The following PDIA5 variants were observed in gnomAD, a reference collection of about 807,000 sequenced individuals.
PDIA5 encodes the protein protein disulfide isomerase family A member 5.
A neutral mutation model predicts 77.6 loss-of-function variants in PDIA5; 58 were observed. The ratio of observed to expected loss-of-function variants is 0.75; its 90% CI spans 0.61 to 0.93. The LOEUF is 0.93. Among genes scored for constraint, PDIA5 ranks in the 40% least tolerant of loss-of-function variants. The pLI is 0.00. For missense variants in PDIA5, 630 were observed against 647.7 expected, an observed-to-expected ratio of 0.97 and a Z score of 0.30; for synonymous variants, 250 against 252.1, an observed-to-expected ratio of 0.99 and a Z score of 0.08.
In PDIA5 at chr3:123,107,081, T is replaced by C. The variant is rs116169108; in HGVS notation, c.480+240T>C. ...TCCATTCTTCACCTTCCTTATTTAA[T>C]GCATTTGAACACGTTTAGATTTTCC... On this transcript the variant is annotated intron_variant, in intron 6 of 16. Coordinates refer to ENST00000316218, the MANE Select transcript of PDIA5 (RefSeq NM_006810.4). Among the ~76,000 whole-genome samples, 914 of 152,384 alleles carry C rather than the reference T, an allele frequency of 6.0e-3. 4 individuals carry two copies. The highest frequency in any genetic ancestry group is 0.017 in the Middle Eastern group (5 of 294).
intron 1 of PDIA5, among the ~76,000 whole-genome samples, chr3:123,077,853 A>C (rs1672414790): frequency 6.7e-6 from 1 of 149,574 alleles, no homozygotes; most frequent in Admixed American, 6.7e-5. Flanking sequence ...TCTGTTGCCC[A>C]GGCTGGAGTG....
intron 3 of PDIA5, among the ~76,000 whole-genome samples, chr3:123,096,244 G>A (rs1027864922): frequency 1.3e-5 from 2 of 152,122 alleles, no homozygotes; most frequent in African/African-American, 4.8e-5. Context: ...TGTTGCCCAG[G>A]CTGCAGTGCA....
chr3:123,089,303 C>T lies in PDIA5; in HGVS notation c.169+9C>T, dbSNP rs369257829. 6.2e-7 allele frequency: 1 copy of T among 1,613,552 alleles called. No homozygotes were observed. The highest frequency in any genetic ancestry group is 1.1e-5 in the South Asian group (1 of 90,984). ...GCTTTACTCCAAATCTGGTGAGTGT[C>T]CCTTCCTGGCCTTGAGGTCAACCAT... On this transcript the variant is annotated intron_variant, in intron 2 of 16. Coordinates refer to ENST00000316218, the MANE Select transcript of PDIA5 (RefSeq NM_006810.4).
intron 11 of PDIA5, among the ~76,000 whole-genome samples, chr3:123,135,815 A>T (rs1344163956): frequency 4.3e-4 from 11 of 25,752 alleles, no homozygotes; most frequent in Admixed American, 1.2e-3. Context: ...TTTTGGTCTT[A>T]TTTTTAACTT....
chr3:123,125,910 C>T (rs1935238306), intron 10 of PDIA5, among the ~76,000 whole-genome samples: 3 of 152,140 alleles, frequency 2.0e-5, no homozygotes, highest in Admixed American at 2.0e-4. Flanking sequence ...TCCTGTTTTC[C>T]TTTTTCATTT....
At chr3:123,140,154 T>C (rs542028163) in intron 11 of PDIA5, among the ~76,000 whole-genome samples, 2 of 151,898 alleles carry the variant, frequency 1.3e-5, no homozygotes, top group African/African-American at 4.8e-5. Context: ...TCCAGGTGGG[T>C]AGGAAAGAAC....
intron 11 of PDIA5, among the ~76,000 whole-genome samples, chr3:123,132,906 G>A (rs533883698): frequency 2.0e-5 from 3 of 152,296 alleles, no homozygotes; most frequent in South Asian, 2.1e-4. Context: ...ATGGTTGTGC[G>A]CATGTGGGTT....
chr3:123,150,194 C>A, intron 13 of PDIA5, 40 bp from the exon 14 acceptor site: 1 of 1,549,764 alleles, frequency 6.5e-7, no homozygotes, highest in Admixed American at 1.8e-5. Flanking sequence ...CTAAAAATCT[C>A]TCCTTATGGC....
chr3:123,155,031 A>G lies in PDIA5; in HGVS notation c.1334A>G (p.Asp445Gly). 1.2e-6 allele frequency: 2 copies of G among 1,608,728 alleles called. No individual in the cohort carries two copies. Among genetic ancestry groups the G allele is most frequent in the East Asian group, 2.2e-5 (1 of 44,854 alleles). ...HFTATADAFK[D>G]DRKIACAAVD... ...ACTGCTACTGCTGATGCCTTCAAAGATGACCGAAAGGTAAGGACAGCGCTC... is the reference window on the plus strand; with the variant it reads ...ACTGCTACTGCTGATGCCTTCAAAGGTGACCGAAAGGTAAGGACAGCGCTC... Residue 445 changes from aspartate to glycine, a missense_variant, in exon 15 of 17, where the codon GAT (aspartate) becomes GGT (glycine). Asp to Gly is a moderately conservative substitution (Grantham distance 94, BLOSUM62 -1). Transcript: ENST00000316218.
intron 10 of PDIA5, 42 bp downstream of exon 10, chr3:123,124,385 G>C: frequency 3.4e-6 from 5 of 1,458,160 alleles, no homozygotes; most frequent in Non-Finnish European, 4.8e-6. Flanking sequence ...GGACCCAGAG[G>C]GCGGGGCATC....
rs372604549 is a variant in PDIA5 at position 123,116,349 on chromosome 3, G to A, written c.609+51G>A. The A allele has an allele frequency of 5.6e-5, 82 of 1,477,082 alleles. No homozygotes were observed. The Middle Eastern group carries it at 9.3e-4, about 17-fold the overall frequency. The allele number at this position is 1,477,082 out of a possible 1,614,324, so 91.5% of individuals were successfully genotyped here. A position where few individuals can be genotyped will look rare whatever the true frequency, so the allele number is the denominator to read the frequency against. ...GGGCTGGGTCACTCTTGGACTTGGC[G>A]GAGGAAGGGTGCCAGGGGTGGGGTG... On this transcript the variant is annotated intron_variant, in intron 8 of 16. Coordinates refer to ENST00000316218, the MANE Select transcript of PDIA5 (RefSeq NM_006810.4).
chr3:123,102,504 C>T lies in PDIA5; in HGVS notation c.341+10C>T. The stretch of plus-strand genomic sequence containing the variant: ...AATTATTCCATTACCAGTAAGTACA[C>T]ATGGGCATTTCCAATTTCCAAGTAA... On this transcript the variant is annotated intron_variant, in intron 4 of 16. Transcript: ENST00000316218. 2 of 1,600,468 alleles carry T rather than the reference C, an allele frequency of 1.2e-6. No individual in the cohort carries two copies. The highest frequency in any genetic ancestry group is 1.7e-6 in the Non-Finnish European group (2 of 1,167,732).
At position 123,097,438 on chromosome 3, in the gene PDIA5, C is replaced by G. The variant is rs543152187; in HGVS notation, c.258-4973C>G. On this transcript the variant is annotated intron_variant, in intron 3 of 16. Transcript: ENST00000316218. ...ACTAACTGTACTGTGTAATCCAGAC[C>G]TTGTGATGTACCTTCTTGAGGCACG... is the stretch of plus-strand genomic sequence containing the variant. Among the ~76,000 whole-genome samples the G allele has an allele frequency of 7.2e-5, 11 of 152,288 alleles. No homozygotes were observed. The South Asian group carries it at 2.3e-3, about 32-fold the overall frequency.
At chr3:123,078,827 A>G (rs1408076665) in intron 1 of PDIA5, among the ~76,000 whole-genome samples, 1 of 152,112 alleles carries the variant, frequency 6.6e-6, no homozygotes, top group East Asian at 1.9e-4. Context: ...GTTTTTGATG[A>G]TGTTTTCATT....
At chr3:123,067,319 C>T (rs1251221964) in intron 1 of PDIA5, 113 bp downstream of exon 1, 1 of 925,900 alleles carries the variant, frequency 1.1e-6, no homozygotes, top group African/African-American at 1.7e-5. Context: ...CCCGGGGCAC[C>T]GGGATGAGGG....
intron 3 of PDIA5, among the ~76,000 whole-genome samples, chr3:123,099,539 G>T (rs1436041155): frequency 6.6e-6 from 1 of 152,202 alleles, no homozygotes; most frequent in Non-Finnish European, 1.5e-5. Flanking sequence ...TAACAAAGAA[G>T]GTGGCACAGA....
At chr3:123,076,142 G>A (rs567049199) in intron 1 of PDIA5, among the ~76,000 whole-genome samples, 11 of 152,300 alleles carry the variant, frequency 7.2e-5, no homozygotes, top group African/African-American at 2.6e-4. Flanking sequence ...AGCCTCTCGG[G>A]TATTATTCTG....
chr3:123,067,837 A>G lies in PDIA5; in HGVS notation c.42+631A>G, dbSNP rs1423891327. Among the ~76,000 whole-genome samples, 3 of 152,158 alleles carry G rather than the reference A, an allele frequency of 2.0e-5. No individual in the cohort carries two copies. The East Asian group carries it at 5.8e-4, about 29-fold the overall frequency. The stretch of plus-strand genomic sequence containing the variant: ...TGTGACGCGGCGGTTCATTTAATGT[A>G]TCTGAGCTAGTTTCCTCATGCATGA... On this transcript the variant is annotated intron_variant, in intron 1 of 16. Coordinates refer to ENST00000316218, the MANE Select transcript of PDIA5 (RefSeq NM_006810.4).
At chr3:123,108,354 C>T (rs1008751042) in intron 6 of PDIA5, among the ~76,000 whole-genome samples, 1 of 149,396 alleles carries the variant, frequency 6.7e-6, no homozygotes, top group African/African-American at 2.5e-5. Context: ...GATCTTGGCT[C>T]ACTGCAGCCT....
Sources: allele counts gnomAD v4.1 joint callset (sites outside exome capture counted in the v4.1 genomes callset), GRCh38; gene constraint gnomAD v4.1.1; transcripts MANE v1.5; gene names NCBI Gene and HGNC (gene_info 2026-07-23, HGNC 2026-07-21).